The following KMT5B variants were observed in gnomAD, a reference collection of about 807,000 sequenced individuals.
KMT5B encodes lysine methyltransferase 5B.
KMT5B carries 10 observed loss-of-function variants against 83.2 expected under a neutral mutation model. The observed-to-expected ratio is 0.12, with a 90% CI of 0.07 to 0.20. The LOEUF (loss-of-function observed/expected upper bound fraction) is 0.20, where lower values mean the gene tolerates loss of function less well. KMT5B is among the 10% of genes least tolerant of loss of function. The pLI, the probability that KMT5B is intolerant of heterozygous loss-of-function variation, is 1.00. For synonymous variants in KMT5B, 349 were observed against 388.8 expected (o/e 0.90, Z 1.20); for missense variants, 753 against 1,067.2 (o/e 0.71, Z 4.10).
In KMT5B at chr11:68,167,456, CTTTT is replaced by C. The variant is rs755731394; in HGVS notation, c.978-282_978-279del. Among the ~76,000 whole-genome samples the C allele has an allele frequency of 9.3e-5, 13 of 139,118 alleles. 1 individual carries two copies. In the South Asian group the frequency reaches 1.1e-3, roughly 12 times the overall value. 91.3% of individuals were successfully genotyped at this position (139,118 alleles called of 152,430 possible). On this transcript the variant is annotated intron_variant, in intron 9 of 10. Transcript: ENST00000304363. ...CTACTGGACCTTGTAAAATTTTTTC[CTTTT>C]TTTTTTTTTTTTGAGACAGGGTCTC... is the stretch of plus-strand genomic sequence containing the variant.
At chr11:68,189,866 T>C (rs373681817) in intron 2 of KMT5B, 51 bp downstream of exon 2, 1 of 1,549,874 alleles carries the variant, frequency 6.5e-7, no homozygotes, top group Non-Finnish European at 8.8e-7. Context: ...CTGGAAAGAA[T>C]TACTACCCCA....
chr11:68,171,778 T>C lies in KMT5B; in HGVS notation c.654-69A>G. 1 of 1,246,874 alleles carries C rather than the reference T, an allele frequency of 8.0e-7. No homozygotes were observed. Among genetic ancestry groups the C allele is most frequent in the East Asian group, 2.5e-5 (1 of 40,560 alleles). 77.2% of individuals were successfully genotyped at this position (1,246,874 alleles called of 1,614,324 possible). On this transcript the variant is annotated intron_variant, in intron 6 of 10. Coordinates refer to ENST00000304363, the MANE Select transcript of KMT5B (RefSeq NM_017635.5). This position sits in a 1 kb window ranked among gnomAD's most constrained non-coding sequence, Gnocchi z 5.1. ...TATAGTAAGGCTTCTTTTAATAAAA[T>C]AATCCTGACAATAAATATCAGAAAC...
At chr11:68,199,934 A>G (rs188329856) in intron 1 of KMT5B, among the ~76,000 whole-genome samples, 18 of 152,276 alleles carry the variant, frequency 1.2e-4, no homozygotes, top group African/African-American at 3.6e-4. Context: ...TGTGACAAAG[A>G]CTATAGGAAG....
Position 68,182,871 on chromosome 11 carries a change from G to A in KMT5B, c.309-2671C>T, listed in dbSNP as rs142934839. ...CCTGCCTCGGCCTCCTGAGTAGCTG[G>A]GAGTACAGGCATGTGCCACCACGCC... On this transcript the variant is annotated intron_variant, in intron 3 of 10. Transcript: ENST00000304363. Among the ~76,000 whole-genome samples the A allele has an allele frequency of 4.5e-3, 677 of 152,040 alleles. 3 individuals are homozygous for A. The highest frequency in any genetic ancestry group is 0.016 in the African/African-American group (651 of 41,466).
At chr11:68,175,254 C>A in intron 4 of KMT5B, 71 bp from the exon 5 acceptor site, 1 of 1,265,976 alleles carries the variant, frequency 7.9e-7, no homozygotes, top group African/African-American at 1.5e-5. Context: ...CTTAACAGAT[C>A]TTGAGAAAGA....
chr11:68,174,553 G>A (rs929081314), intron 5 of KMT5B, among the ~76,000 whole-genome samples: 8 of 151,992 alleles, frequency 5.3e-5, no homozygotes, highest in African/African-American at 1.7e-4. Context: ...TTAGAGACAG[G>A]GTCTTGCTCT....
At chr11:68,184,981 TAAACA>T in intron 3 of KMT5B, among the ~76,000 whole-genome samples, 1 of 152,324 alleles carries the variant, frequency 6.6e-6, no homozygotes, top group Non-Finnish European at 1.5e-5. Flanking sequence ...ATACTGAATA[TAAACA>T]TGTCTTTAAA....
chr11:68,174,426 T>C (rs1193630338), intron 5 of KMT5B, among the ~76,000 whole-genome samples: 1 of 152,170 alleles, frequency 6.6e-6, no homozygotes, highest in Non-Finnish European at 1.5e-5. Flanking sequence ...TTTTGGAGCA[T>C]TTCAAATTTT....
intron 9 of KMT5B, among the ~76,000 whole-genome samples, chr11:68,168,131 G>A (rs1855495413): frequency 6.6e-6 from 1 of 152,228 alleles, no homozygotes; most frequent in East Asian, 1.9e-4. Flanking sequence ...AGTTGAGATC[G>A]AAACTTACAC....
Position 68,157,601 on chromosome 11 carries a change from G to A in KMT5B, c.*87C>T. The A allele has an allele frequency of 6.8e-7, 1 of 1,478,308 alleles. No individual in the cohort carries two copies. The highest frequency in any genetic ancestry group is 8.9e-7 in the Non-Finnish European group (1 of 1,120,006). 91.6% of individuals were successfully genotyped at this position (1,478,308 alleles called of 1,614,324 possible). A position where few individuals can be genotyped will look rare whatever the true frequency, so the allele number is the denominator to read the frequency against. On this transcript the variant is annotated 3_prime_UTR_variant, in exon 11 of 11. Transcript: ENST00000304363. ...TAAGTGAAGGGACAATAGAAGTGCT[G>A]CCACTAAACTTTCAGTTGAGGAATA...
chr11:68,180,736 G>C (rs1856837651), intron 3 of KMT5B, among the ~76,000 whole-genome samples: 1 of 152,010 alleles, frequency 6.6e-6, no homozygotes, highest in Non-Finnish European at 1.5e-5. Context: ...GACATCTCAG[G>C]GTCATGCAGC....
intron 1 of KMT5B, among the ~76,000 whole-genome samples, chr11:68,212,436 C>T (rs979615751): frequency 3.9e-5 from 6 of 152,250 alleles, no homozygotes; most frequent in Non-Finnish European, 1.5e-5. Flanking sequence ...AGTTACTGTT[C>T]CAGACCCGGG....
intron 1 of KMT5B, among the ~76,000 whole-genome samples, chr11:68,198,934 T>G (rs1035910944): frequency 2.6e-5 from 4 of 152,202 alleles, no homozygotes; most frequent in East Asian, 1.9e-4. Context: ...TTTCACCGTG[T>G]TAGCCAGGCT....
chr11:68,184,400 A>G (rs970886211), intron 3 of KMT5B, among the ~76,000 whole-genome samples: 1 of 152,212 alleles, frequency 6.6e-6, no homozygotes, highest in Non-Finnish European at 1.5e-5. Flanking sequence ...AATTTATGAA[A>G]AAAACAAAAG....
chr11:68,175,821 C>T (rs1856309789), intron 4 of KMT5B, among the ~76,000 whole-genome samples: 1 of 152,020 alleles, frequency 6.6e-6, no homozygotes, highest in African/African-American at 2.4e-5. Flanking sequence ...TCTTTGATGA[C>T]TGCATTCAGA....
At position 68,183,852 on chromosome 11, in the gene KMT5B, A is replaced by G. The variant is rs113525766; in HGVS notation, c.308+1929T>C. ...TTTTTGTATTTTTAGTAGAGATGGG[A>G]TTTCATCATGTTGGCCAGGCTGGTC... On this transcript the variant is annotated intron_variant, in intron 3 of 10. Coordinates refer to ENST00000304363, the MANE Select transcript of KMT5B (RefSeq NM_017635.5). Among the ~76,000 whole-genome samples, 531 of 123,170 alleles carry G rather than the reference A, an allele frequency of 4.3e-3. No individual in the cohort carries two copies. In the Middle Eastern group the frequency reaches 0.083, roughly 19 times the overall value. The allele number at this position is 123,170 out of a possible 152,430, so 80.8% of individuals were successfully genotyped here.
At position 68,185,888 on chromosome 11, in the gene KMT5B, T is replaced by A. The variant is rs751486150; in HGVS notation, c.201A>T (p.Val67=). 1 of 1,613,280 alleles carries A rather than the reference T, an allele frequency of 6.2e-7. No homozygotes were observed. The highest frequency in any genetic ancestry group is 1.1e-5 in the South Asian group (1 of 90,824). The change falls in exon 3 of 11, where the codon GTA becomes GTT. Residue 67 remains valine, a synonymous_variant. Transcript: ENST00000304363. ...CCTTGGCGGACATTCCAGAGGATGG[T>A]ACATAGCGACTCTGTCCTTCAAATC... The part of the protein sequence containing the change: ...NSGFEGQSRY[V]PSSGMSAKEL...
At chr11:68,161,192 A>G (rs547317703) in intron 10 of KMT5B, among the ~76,000 whole-genome samples, 2 of 152,350 alleles carry the variant, frequency 1.3e-5, no homozygotes, top group African/African-American at 4.8e-5. Context: ...ACTATGTGAT[A>G]GCAAATTTTT....
At position 68,158,242 on chromosome 11, in the gene KMT5B, T is replaced by C. The variant is rs1859443682; in HGVS notation, c.2104A>G (p.Arg702Gly). The C allele has an allele frequency of 6.2e-7, 1 of 1,614,124 alleles. No individual in the cohort carries two copies. Among genetic ancestry groups the C allele is most frequent in the Non-Finnish European group, 8.5e-7 (1 of 1,180,060 alleles). ...AKSKKKRRIT[R>G]YDAQLILENN... ...TCTAGGATTAACTGTGCATCATACC[T>C]TGTGATTCGCCTCTTCTTTTTACTT... is the stretch of plus-strand genomic sequence containing the variant. The change falls in exon 11 of 11, where the codon AGG becomes GGG. Residue 702 changes from arginine (R) to glycine (G), a missense_variant. This residue lies in a region of KMT5B where 12 missense variants were observed against 30.1 expected (regional missense o/e 0.40). Transcript: ENST00000304363.
Sources: allele counts gnomAD v4.1 joint callset (sites outside exome capture counted in the v4.1 genomes callset), GRCh38; gene constraint gnomAD v4.1.1; regional missense constraint gnomAD v4.1.1; non-coding constraint Gnocchi (gnomAD v3.1); transcripts MANE v1.5; gene names NCBI Gene and HGNC (gene_info 2026-07-23, HGNC 2026-07-21).